GSTO2: variants seen among roughly 807,000 people sequenced by gnomAD.
GSTO2 encodes glutathione S-transferase omega 2, also known as glutathione S-transferase omega-2.
A neutral mutation model predicts 28.4 loss-of-function variants in GSTO2; 23 were observed. The observed-to-expected ratio is 0.81, with a 90% CI of 0.58 to 1.15. The LOEUF (loss-of-function observed/expected upper bound fraction) is 1.15, where lower values mean the gene tolerates loss of function less well. Among genes scored for constraint, GSTO2 ranks in the 50% most tolerant of loss-of-function variants. GSTO2 has a pLI of 0.00. For synonymous variants in GSTO2, 109 were observed against 111.0 expected (o/e 0.98, Z 0.11); for missense variants, 298 against 297.8 (o/e 1.00, Z 0.00).
chr10:104,274,057 A>G (rs940853226), intron 1 of GSTO2, among the ~76,000 whole-genome samples: 34 of 152,226 alleles, frequency 2.2e-4, no homozygotes, highest in African/African-American at 8.0e-4. Flanking sequence ...AGCCACGTCT[A>G]TTATCTCACG....
intron 5 of GSTO2, among the ~76,000 whole-genome samples, chr10:104,291,810 A>T (rs2012786538): frequency 6.6e-6 from 1 of 152,266 alleles, no homozygotes; most frequent in South Asian, 2.1e-4. Flanking sequence ...ATTTTAAAAT[A>T]GATTTTTCTA....
In GSTO2 at chr10:104,299,149, C is replaced by A. The variant is rs760839448; in HGVS notation, c.597C>A (p.Ala199=). Residue 199 remains alanine (A), a synonymous_variant, in exon 7 of 7, where the codon GCC becomes GCA. Coordinates refer to ENST00000338595, the MANE Select transcript of GSTO2 (RefSeq NM_183239.2). ...GCAGCTGTGTGAGCCACACGCCAGC[C>A]CTGCGGCTCTGGATATCAGCCATGA... ...GILDCVSHTP[A]LRLWISAMKW... 59 of 1,614,010 alleles carry A rather than the reference C, an allele frequency of 3.7e-5. No homozygotes were observed. Among genetic ancestry groups the A allele is most frequent in the Non-Finnish European group, 4.9e-5 (58 of 1,179,990 alleles).
intron 5 of GSTO2, among the ~76,000 whole-genome samples, chr10:104,286,453 A>T (rs1203007550): frequency 6.6e-6 from 1 of 152,244 alleles, no homozygotes; most frequent in African/African-American, 2.4e-5. Context: ...ATGTGTGAAT[A>T]CGCACATTTT....
rs553195212 is a variant in GSTO2, at chr10:104,298,289, G to A, written c.575+605G>A. On this transcript the variant is annotated intron_variant, in intron 6 of 6. Transcript: ENST00000338595. ...TCAGTGAAGCTGGACGTGTGCGGAC[G>A]TCCACCCTAATCCAAGCCACCCTCA... is the stretch of plus-strand genomic sequence containing the variant. 5.7e-4 allele frequency among the ~76,000 whole-genome samples: 87 copies of A among 152,290 alleles called. 1 individual carries two copies. In the South Asian group the frequency reaches 0.017, roughly 29 times the overall value.
chr10:104,273,052 T>A (rs754661679), intron 1 of GSTO2, among the ~76,000 whole-genome samples: 3 of 152,250 alleles, frequency 2.0e-5, no homozygotes, highest in Non-Finnish European at 4.4e-5. Context: ...TTTTCTCAAC[T>A]ATCTTGAAAT....
chr10:104,301,188 C>T lies in GSTO2; in HGVS notation c.*1904C>T, dbSNP rs1047993559. The T allele has an allele frequency of 3.3e-5, 5 of 152,222 alleles. No individual in the cohort carries two copies. Among genetic ancestry groups the T allele is most frequent in the African/African-American group, 1.2e-4 (5 of 41,458 alleles). 9.4% of individuals were successfully genotyped at this position (152,222 alleles called of 1,614,324 possible). ...GATCAGCCTTTTGCCGGTACAAATC[C>T]TGCATGCTAGTGAGTGCTTGTCATA... On this transcript the variant is annotated 3_prime_UTR_variant, in exon 7 of 7. Transcript: ENST00000338595.
chr10:104,304,598 C>T lies in GSTO2; in HGVS notation c.*5314C>T, dbSNP rs1404658579. 6.6e-6 allele frequency: 1 copy of T among 152,206 alleles called. No individual in the cohort carries two copies. Among genetic ancestry groups the T allele is most frequent in the Non-Finnish European group, 1.5e-5 (1 of 68,040 alleles). 9.4% of individuals were successfully genotyped at this position (152,206 alleles called of 1,614,324 possible). On this transcript the variant is annotated 3_prime_UTR_variant, in exon 7 of 7. Coordinates refer to ENST00000338595, the MANE Select transcript of GSTO2 (RefSeq NM_183239.2). ...TTGGGCTGTTGAATAATGATGGTCT[C>T]ATCTATGCAAGGGCTTAGTACCAGC... is the stretch of plus-strand genomic sequence containing the variant.
At position 104,302,515 on chromosome 10, in the gene GSTO2, GGGCTTGTGTGGCTGGGACAGCT is replaced by G. The variant is rs1489131618; in HGVS notation, c.*3236_*3257del. 6.6e-6 allele frequency: 1 copy of G among 152,428 alleles called. No individual in the cohort carries two copies. Among genetic ancestry groups the G allele is most frequent in the Non-Finnish European group, 1.5e-5 (1 of 68,072 alleles). The allele number at this position is 152,428 out of a possible 1,614,324, so 9.4% of individuals were successfully genotyped here. ...GGGGAGGAGGGAGCATGATGGGGCA[GGGCTTGTGTGGCTGGGACAGCT>G]GGCTATGGTCGTGGTGCTGGTGACT... On this transcript the variant is annotated 3_prime_UTR_variant, in exon 7 of 7. Coordinates refer to ENST00000338595, the MANE Select transcript of GSTO2 (RefSeq NM_183239.2).
intron 5 of GSTO2, among the ~76,000 whole-genome samples, chr10:104,292,897 A>C (rs2012844098): frequency 6.6e-6 from 1 of 152,230 alleles, no homozygotes. Flanking sequence ...ATGATAAAAC[A>C]CTTAAGAAAG....
At chr10:104,276,851 G>A (rs140290289) in intron 3 of GSTO2, among the ~76,000 whole-genome samples, 8 of 152,100 alleles carry the variant, frequency 5.3e-5, no homozygotes, top group Admixed American at 3.9e-4. Flanking sequence ...TTAAACATAC[G>A]TTCATGCTTC....
intron 5 of GSTO2, among the ~76,000 whole-genome samples, chr10:104,289,205 C>A (rs1363666010): frequency 6.6e-6 from 1 of 152,080 alleles, no homozygotes; most frequent in Non-Finnish European, 1.5e-5. Flanking sequence ...CTCAGGTGAT[C>A]TTCCTACCTT....
chr10:104,281,666 C>T (rs1174501915), intron 5 of GSTO2, among the ~76,000 whole-genome samples: 1 of 152,146 alleles, frequency 6.6e-6, no homozygotes, highest in East Asian at 1.9e-4. Context: ...TTCTCAGGTA[C>T]AAATGGTACT....
At chr10:104,272,218 C>CA (rs1348349398) in intron 1 of GSTO2, among the ~76,000 whole-genome samples, 5 of 151,866 alleles carry the variant, frequency 3.3e-5, no homozygotes, top group African/African-American at 4.8e-5. Context: ...GAATCTAAAA[C>CA]TTTTTTTTAA....
rs1286318650 is a variant in GSTO2, at chr10:104,275,307, G to T, written c.116G>T (p.Arg39Leu). ...MRFCPYSHRT[R>L]LVLKAKDIRH... ...TTCTGCCCCTATTCTCACAGGACCCGCCTCGTCCTCAAGGCCAAAGACATC... is the reference window on the plus strand; with the variant it reads ...TTCTGCCCCTATTCTCACAGGACCCTCCTCGTCCTCAAGGCCAAAGACATC... Residue 39 changes from arginine (R) to leucine (L), a missense_variant, in exon 3 of 7, where the codon CGC becomes CTC. By Grantham distance (102) the Arg-to-Leu change is moderately radical. Coordinates refer to ENST00000338595, the MANE Select transcript of GSTO2 (RefSeq NM_183239.2). The T allele has an allele frequency of 5.6e-6, 9 of 1,613,848 alleles. No homozygotes were observed. Among genetic ancestry groups the T allele is most frequent in the African/African-American group, 5.3e-5 (4 of 74,884 alleles).
chr10:104,298,726 A>C (rs2013159030), intron 6 of GSTO2, among the ~76,000 whole-genome samples: 1 of 152,276 alleles, frequency 6.6e-6, no homozygotes, highest in South Asian at 2.1e-4. Flanking sequence ...ATTTTTTTAT[A>C]TCTCCTAAAG....
At chr10:104,282,711 T>C (rs907571535) in intron 5 of GSTO2, among the ~76,000 whole-genome samples, 3 of 152,160 alleles carry the variant, frequency 2.0e-5, no homozygotes, top group Non-Finnish European at 2.9e-5. Flanking sequence ...GGAACTAAGA[T>C]GAGATGAAAT....
At chr10:104,296,802 T>C (rs936221473) in intron 5 of GSTO2, 2 of 152,160 alleles carry the variant, frequency 1.3e-5, no homozygotes, top group Non-Finnish European at 2.9e-5. Flanking sequence ...TTTTCTTTTT[T>C]ACTTTTTGCT....
At chr10:104,269,940 G>A (rs1307312781) in intron 1 of GSTO2, among the ~76,000 whole-genome samples, 1 of 151,948 alleles carries the variant, frequency 6.6e-6, no homozygotes, top group Non-Finnish European at 1.5e-5. Flanking sequence ...CAGTAAGACC[G>A]TTCGTGAGAT....
At chr10:104,282,149 C>G (rs576569242) in intron 5 of GSTO2, among the ~76,000 whole-genome samples, 8 of 150,478 alleles carry the variant, frequency 5.3e-5, no homozygotes, top group African/African-American at 2.0e-4. Flanking sequence ...TCACTTGAAC[C>G]CAGGAGGGGG....
Sources: gnomAD v4.1 joint callset for allele counts (sites outside exome capture counted in the v4.1 genomes callset) on GRCh38, gnomAD v4.1.1 for gene constraint, MANE v1.5 for transcripts, NCBI Gene and HGNC (gene_info 2026-07-23, HGNC 2026-07-21) for gene names.